GLCCI1: variants seen among roughly 807,000 people sequenced by gnomAD.
The protein encoded by GLCCI1 is glucocorticoid-induced transcript 1 protein.
In GLCCI1, 24 loss-of-function variants were observed where a neutral mutation model predicts 52.2. The observed-to-expected ratio is 0.46, with a 90% CI of 0.33 to 0.65. GLCCI1 has a LOEUF of 0.65. Among genes scored for constraint, GLCCI1 ranks in the 30% least tolerant of loss-of-function variants. GLCCI1 has a pLI of 0.02. For missense variants in GLCCI1, 704 were observed against 701.5 expected (o/e 1.00, Z -0.04); for synonymous variants, 310 against 276.5 (o/e 1.12, Z -1.20).
Position 7,969,517 on chromosome 7 carries a change from G to C in GLCCI1, c.167G>C (p.Gly56Ala), listed in dbSNP as rs976419070. 12 of 996,562 alleles carry C rather than the reference G, an allele frequency of 1.2e-5. No individual in the cohort carries two copies. The highest frequency in any genetic ancestry group is 1.8e-5 in the African/African-American group (1 of 56,766). 61.7% of individuals were successfully genotyped at this position (996,562 alleles called of 1,614,324 possible). ...GGGVGCAPAA[G>A]AGRLLQPIRA... The stretch of plus-strand genomic sequence containing the variant: ...GGCGTGGGCTGCGCCCCGGCTGCGG[G>C]AGCCGGCCGGCTGCTGCAGCCCATC... Residue 56 changes from glycine to alanine, a missense_variant, in exon 1 of 8, where the codon GGA (glycine) becomes GCA (alanine). Transcript: ENST00000223145. This position sits in a 1 kb window ranked among gnomAD's most constrained non-coding sequence, Gnocchi z 4.9.
intron 3 of GLCCI1, among the ~76,000 whole-genome samples, chr7:8,035,367 A>G (rs1264353011): frequency 6.6e-6 from 1 of 152,210 alleles, no homozygotes; most frequent in Non-Finnish European, 1.5e-5. Flanking sequence ...GATGTGGAGA[A>G]GGGATATCTC....
rs557304093 is a variant in GLCCI1, at chr7:8,077,957, G to T, written c.1177+6826G>T. Among the ~76,000 whole-genome samples, 36 of 152,210 alleles carry T rather than the reference G, an allele frequency of 2.4e-4. 1 individual carries two copies. The highest frequency in any genetic ancestry group is 6.8e-3 in the Middle Eastern group (2 of 294). ...ATTTAGAAAGTCCACTATTTAGGCC[G>T]GGCGCGGTGGCTCACGCCTGTAATC... On this transcript the variant is annotated intron_variant, in intron 6 of 7. Transcript: ENST00000223145.
chr7:8,083,352 C>T (rs1554263942), intron 6 of GLCCI1, among the ~76,000 whole-genome samples: 5 of 151,882 alleles, frequency 3.3e-5, no homozygotes, highest in Non-Finnish European at 7.4e-5. Context: ...AATTTGAGGC[C>T]TTATTCTCAT....
At chr7:8,084,191 A>G (rs1168031730) in intron 6 of GLCCI1, among the ~76,000 whole-genome samples, 1 of 152,186 alleles carries the variant, frequency 6.6e-6, no homozygotes, top group Non-Finnish European at 1.5e-5. Flanking sequence ...TATGGGTTTT[A>G]TGGCTTTTCA....
intron 3 of GLCCI1, among the ~76,000 whole-genome samples, chr7:8,037,556 C>A (rs1201702098): frequency 6.6e-6 from 1 of 152,220 alleles, no homozygotes; most frequent in East Asian, 1.9e-4. Context: ...AATATTAATT[C>A]TGAACATAAA....
intron 2 of GLCCI1, among the ~76,000 whole-genome samples, chr7:8,016,289 G>A (rs759102979): frequency 2.6e-5 from 4 of 152,160 alleles, no homozygotes; most frequent in Non-Finnish European, 5.9e-5. Flanking sequence ...CTAACATGGT[G>A]AAACCCCGTC....
rs752409551 is a variant in GLCCI1 at position 8,055,532 on chromosome 7, A to G, written c.796A>G (p.Thr266Ala). ...RQSPLHGNHITISHTQATGSR... is the reference protein window; with the variant it reads ...RQSPLHGNHIAISHTQATGSR... ...GTCACCTCTTCATGGCAACCATATA[A>G]CAATCAGTCACACTCAGGTAGGCTA... Residue 266 changes from threonine to alanine, a missense_variant, in exon 4 of 8, where the codon ACA becomes GCA. This residue lies in a region of GLCCI1 where 547 missense variants were observed against 524.8 expected (regional missense o/e 1.04). Transcript: ENST00000223145. 1 of 1,597,878 alleles carries G rather than the reference A, an allele frequency of 6.3e-7. No individual in the cohort carries two copies. Among genetic ancestry groups the G allele is most frequent in the Non-Finnish European group, 8.6e-7 (1 of 1,165,174 alleles).
rs138273413 is a variant in GLCCI1 at position 8,011,317 on chromosome 7, C to T, written c.609+7258C>T. On this transcript the variant is annotated intron_variant, in intron 2 of 7. Coordinates refer to ENST00000223145, the MANE Select transcript of GLCCI1 (RefSeq NM_138426.4). Reference sequence around the variant, plus strand: ...CTAGCTCTCCATCCTCCCCACCACACGCCAGCCTCTGGTAGCCATCATTCT... The same window carrying T: ...CTAGCTCTCCATCCTCCCCACCACATGCCAGCCTCTGGTAGCCATCATTCT... Among the ~76,000 whole-genome samples the T allele has an allele frequency of 1.7e-3, 266 of 152,306 alleles. 2 individuals are homozygous for T. The highest frequency in any genetic ancestry group is 5.7e-3 in the African/African-American group (237 of 41,552).
chr7:8,076,764 C>T (rs1391563268), intron 6 of GLCCI1, among the ~76,000 whole-genome samples: 1 of 152,026 alleles, frequency 6.6e-6, no homozygotes, highest in East Asian at 1.9e-4. Context: ...GAGTAAATGA[C>T]CATATTTTGG....
At chr7:7,991,239 G>T (rs561209231) in intron 1 of GLCCI1, among the ~76,000 whole-genome samples, 1 of 152,160 alleles carries the variant, frequency 6.6e-6, no homozygotes, top group African/African-American at 2.4e-5. Context: ...GTGTTTAAGT[G>T]TGTGAATCTT....
In GLCCI1 at chr7:7,970,185, G is replaced by T. The variant is rs1056050587; in HGVS notation, c.457+378G>T. 3.3e-5 allele frequency among the ~76,000 whole-genome samples: 5 copies of T among 152,276 alleles called. No individual in the cohort carries two copies. In the East Asian group the frequency reaches 7.7e-4, roughly 23 times the overall value. On this transcript the variant is annotated intron_variant, in intron 1 of 7. Transcript: ENST00000223145. Reference sequence around the variant, plus strand: ...TAAGGTGGCGGTTGTAATCTCTACCGTCTCTTTGTGCTTTTCTGCAAAGTT... The same window carrying T: ...TAAGGTGGCGGTTGTAATCTCTACCTTCTCTTTGTGCTTTTCTGCAAAGTT...
chr7:7,969,417 A>C lies in GLCCI1; in HGVS notation c.67A>C (p.Met23Leu). 1 of 1,370,268 alleles carries C rather than the reference A, an allele frequency of 7.3e-7. No individual in the cohort carries two copies. Among genetic ancestry groups the C allele is most frequent in the Non-Finnish European group, 9.5e-7 (1 of 1,054,430 alleles). The allele number at this position is 1,370,268 out of a possible 1,614,324, so 84.9% of individuals were successfully genotyped here. A position where few individuals can be genotyped will look rare whatever the true frequency, so the allele number is the denominator to read the frequency against. Residue 23 changes from methionine to leucine, a missense_variant, in exon 1 of 8, where the codon ATG (methionine) becomes CTG (leucine). Coordinates refer to ENST00000223145, the MANE Select transcript of GLCCI1 (RefSeq NM_138426.4). The surrounding 1 kb of genome is among the most constrained non-coding windows in gnomAD (Gnocchi z 4.9). ...GACCCCTCATCCCCCGTCGCAGAGG[A>C]TGAGGCGCAGCGCCGCGGGGTCCCC... The part of the protein sequence containing the change: ...SQTPHPPSQR[M>L]RRSAAGSPPA...
In GLCCI1 at chr7:8,086,986, A is replaced by G. The variant is rs1425735437; in HGVS notation, c.*448A>G. ...TTCTGTAATACATACAATGCAAAAA[A>G]AAAAAAAAAAAAATGGCCACAACAG... On this transcript the variant is annotated 3_prime_UTR_variant, in exon 8 of 8. Coordinates refer to ENST00000223145, the MANE Select transcript of GLCCI1 (RefSeq NM_138426.4). This position sits in a 1 kb window ranked among gnomAD's most constrained non-coding sequence, Gnocchi z 4.4. 1 of 154,038 alleles carries G rather than the reference A, an allele frequency of 6.5e-6. No individual in the cohort carries two copies. The highest frequency in any genetic ancestry group is 1.4e-5 in the Non-Finnish European group (1 of 69,282). The allele number at this position is 154,038 out of a possible 1,614,324, so 9.5% of individuals were successfully genotyped here.
At chr7:8,081,056 G>C (rs1322907970) in intron 6 of GLCCI1, among the ~76,000 whole-genome samples, 4 of 152,044 alleles carry the variant, frequency 2.6e-5, no homozygotes, top group African/African-American at 7.2e-5. Context: ...AAAACAGAGG[G>C]ATCAGACTTA....
intron 2 of GLCCI1, among the ~76,000 whole-genome samples, chr7:8,011,842 G>A (rs868431098): frequency 6.6e-6 from 1 of 151,856 alleles, no homozygotes; most frequent in Non-Finnish European, 1.5e-5. Context: ...TTGAGATGGA[G>A]TCTCGCTGTG....
intron 2 of GLCCI1, among the ~76,000 whole-genome samples, chr7:8,004,968 C>T (rs142780022): frequency 6.7e-4 from 102 of 152,314 alleles, no homozygotes; most frequent in African/African-American, 2.2e-3. Flanking sequence ...CTCAGGCAAG[C>T]TTGCAACTGT....
In GLCCI1 at chr7:7,969,102, A is replaced by C. The variant is rs1780275969; in HGVS notation, c.-249A>C. Reference sequence around the variant, plus strand: ...CCTTGCGGCCCCGGCCGTGACCGCCACACCGAGCCCAGCCGGGCGGTTGCG... The same window carrying C: ...CCTTGCGGCCCCGGCCGTGACCGCCCCACCGAGCCCAGCCGGGCGGTTGCG... On this transcript the variant is annotated 5_prime_UTR_variant, in exon 1 of 8. Coordinates refer to ENST00000223145, the MANE Select transcript of GLCCI1 (RefSeq NM_138426.4). This position sits in a 1 kb window ranked among gnomAD's most constrained non-coding sequence, Gnocchi z 4.9. 1 of 207,846 alleles carries C rather than the reference A, an allele frequency of 4.8e-6. No homozygotes were observed. The highest frequency in any genetic ancestry group is 9.2e-6 in the Non-Finnish European group (1 of 108,676). 12.9% of individuals were successfully genotyped at this position (207,846 alleles called of 1,614,324 possible).
At chr7:8,083,919 A>C (rs755957834) in intron 6 of GLCCI1, among the ~76,000 whole-genome samples, 1 of 152,358 alleles carries the variant, frequency 6.6e-6, no homozygotes, top group South Asian at 2.1e-4. Context: ...AACTAAAGCA[A>C]CTTATCAAAA....
intron 1 of GLCCI1, among the ~76,000 whole-genome samples, chr7:7,977,465 A>T (rs541727005): frequency 9.4e-4 from 143 of 152,322 alleles, no homozygotes; most frequent in African/African-American, 3.3e-3. Flanking sequence ...ATCAAATGAA[A>T]GGCCAAAGCA....
Sources: gnomAD v4.1 joint callset for allele counts (sites outside exome capture counted in the v4.1 genomes callset) on GRCh38, gnomAD v4.1.1 for gene constraint, gnomAD v4.1.1 regional missense constraint, Gnocchi (gnomAD v3.1) non-coding constraint, MANE v1.5 for transcripts, NCBI Gene and HGNC (gene_info 2026-07-23, HGNC 2026-07-21) for gene names.